The following USP54 variants were observed in gnomAD, a reference collection of about 807,000 sequenced individuals.
USP54 encodes ubiquitin specific peptidase 54.
A neutral mutation model predicts 170.5 loss-of-function variants in USP54; 87 were observed. The observed-to-expected ratio is 0.51, with a 90% CI of 0.43 to 0.61. The LOEUF (loss-of-function observed/expected upper bound fraction) is 0.61, where lower values mean the gene tolerates loss of function less well. USP54 is among the 20% of genes least tolerant of loss of function. The pLI is 0.00. For synonymous variants in USP54, 655 were observed against 742.8 expected, an observed-to-expected ratio of 0.88 and a Z score of 1.92; for missense variants, 1,786 against 2,047.8, an observed-to-expected ratio of 0.87 and a Z score of 2.47.
At chr10:73,612,089 GA>G in intron 1 of USP54, among the ~76,000 whole-genome samples, 1 of 152,258 alleles carries the variant, frequency 6.6e-6, no homozygotes, top group East Asian at 1.9e-4. Context: ...TCCCACCTGG[GA>G]AAGAGTTCGA....
intron 5 of USP54, among the ~76,000 whole-genome samples, 196 bp from the exon 6 acceptor site, chr10:73,543,327 C>A (rs1311907812): frequency 6.6e-6 from 1 of 152,106 alleles, no homozygotes; most frequent in East Asian, 1.9e-4. Context: ...CTGTACCCTT[C>A]ACCCAGCTTC....
At chr10:73,606,675 G>A (rs1362877786) in intron 1 of USP54, among the ~76,000 whole-genome samples, 1 of 150,346 alleles carries the variant, frequency 6.7e-6, no homozygotes, top group Non-Finnish European at 1.5e-5. Context: ...TCAGGAGATC[G>A]AGACCATCCT....
At chr10:73,540,480 G>A (rs1293966280) in intron 9 of USP54, among the ~76,000 whole-genome samples, 1 of 151,848 alleles carries the variant, frequency 6.6e-6, no homozygotes. Context: ...TGAGGCAGGA[G>A]AATGGCATGA....
chr10:73,513,183 ACCT>A (rs1487680164), intron 20 of USP54: 6 of 152,152 alleles, frequency 3.9e-5, no homozygotes, highest in Non-Finnish European at 8.8e-5. Context: ...GCGGTGGCTC[ACCT>A]TATAGTCACT....
At chr10:73,565,816 A>G (rs1283211006) in intron 4 of USP54, among the ~76,000 whole-genome samples, 1 of 152,234 alleles carries the variant, frequency 6.6e-6, no homozygotes, top group East Asian at 1.9e-4. Context: ...TGTTCTTAGT[A>G]ATACTCTTCA....
chr10:73,572,900 G>A (rs77018355), intron 3 of USP54, among the ~76,000 whole-genome samples: 7,437 of 152,216 alleles, frequency 0.049, 595 homozygotes, highest in African/African-American at 0.17. Flanking sequence ...CTATGGCCAA[G>A]ACACGGGTAA....
At chr10:73,522,821 G>A (rs986139321) in intron 17 of USP54, among the ~76,000 whole-genome samples, 1 of 152,134 alleles carries the variant, frequency 6.6e-6, no homozygotes, top group Non-Finnish European at 1.5e-5. Context: ...GAGAAAAGTG[G>A]TCAACAGAAA....
At chr10:73,562,187 G>A (rs979550774) in intron 4 of USP54, among the ~76,000 whole-genome samples, 2 of 151,956 alleles carry the variant, frequency 1.3e-5, no homozygotes, top group African/African-American at 4.8e-5. Context: ...TTACACTTTA[G>A]TGTGCTTCCT....
At chr10:73,623,436 C>T (rs185408410) in intron 1 of USP54, among the ~76,000 whole-genome samples, 157 of 151,836 alleles carry the variant, frequency 1.0e-3, no homozygotes, top group African/African-American at 3.7e-3. Context: ...GCAGGAGTAT[C>T]ACTTGAGCCC....
At position 73,617,707 on chromosome 10, in the gene USP54, C is replaced by T. The variant is rs113195752; in HGVS notation, c.-18+7860G>A. 4.2e-4 allele frequency among the ~76,000 whole-genome samples: 63 copies of T among 149,464 alleles called. 2 individuals carry two copies. Among genetic ancestry groups the T allele is most frequent in the African/African-American group, 1.6e-3 (63 of 39,192 alleles). On this transcript the variant is annotated intron_variant, in intron 1 of 22. Transcript: ENST00000339859. ...TAGACTTTCTCTTCCTGGTTCCTAGCAGAGTCAGGAAAAGCTTTGTTGAGA... is the reference window on the plus strand; with the variant it reads ...TAGACTTTCTCTTCCTGGTTCCTAGTAGAGTCAGGAAAAGCTTTGTTGAGA...
At chr10:73,593,376 CAAAA>C (rs772703814), upstream of USP54, among the ~76,000 whole-genome samples, 3 of 60,346 alleles carry the variant, frequency 5.0e-5, no homozygotes, top group Admixed American at 2.0e-4. Context: ...GACCCTGTCT[CAAAA>C]AAAAAAAAAA....
chr10:73,575,407 C>T (rs1447838786), intron 3 of USP54, 105 bp downstream of exon 3: 1 of 1,296,926 alleles, frequency 7.7e-7, no homozygotes, highest in Non-Finnish European at 1.0e-6. Flanking sequence ...AGGTTACTAA[C>T]CTCAAACAGA....
At chr10:73,554,482 G>GA (rs1191843447) in intron 4 of USP54, among the ~76,000 whole-genome samples, 2 of 152,186 alleles carry the variant, frequency 1.3e-5, no homozygotes, top group Non-Finnish European at 2.9e-5. Context: ...CTGACTACTG[G>GA]AAAAGAGACG....
At chr10:73,595,189 G>A (rs2078629780), upstream of USP54, among the ~76,000 whole-genome samples, 1 of 143,242 alleles carries the variant, frequency 7.0e-6, no homozygotes, top group South Asian at 2.3e-4. Flanking sequence ...GCCTCCCAAA[G>A]TGCTGGGATT....
rs1313319144 is a variant in USP54 at position 73,539,587 on chromosome 10, A to G, written c.832T>C (p.Phe278Leu). The G allele has an allele frequency of 6.3e-7, 1 of 1,595,178 alleles. No individual in the cohort carries two copies. The highest frequency in any genetic ancestry group is 8.6e-7 in the Non-Finnish European group (1 of 1,167,824). ...TTGGCCCGGTCATCCGTCACTCTGA[A>G]AAACAGCTGAGGGGAAAGAAGAGAA... ...GTCLKLGDLF[F>L]RVTDDRAKQS... Residue 278 changes from phenylalanine to leucine, a missense_variant, in exon 10 of 24, where the codon TTC (phenylalanine) becomes CTC (leucine). Coordinates refer to ENST00000687698, the MANE Select transcript of USP54 (RefSeq NM_001391956.1).
At position 73,517,161 on chromosome 10, in the gene USP54, G is replaced by T. The variant is rs1220073934; in HGVS notation, c.3265C>A (p.Pro1089Thr). The T allele has an allele frequency of 1.9e-6, 3 of 1,614,084 alleles. No individual in the cohort carries two copies. Among genetic ancestry groups the T allele is most frequent in the Non-Finnish European group, 2.5e-6 (3 of 1,180,052 alleles). Reference sequence around the variant, plus strand: ...AGGCATTGGTTAGTTTTCTGCACAGGATCAGGACAGTGAAGCACAAATGAA... The same window carrying T: ...AGGCATTGGTTAGTTTTCTGCACAGTATCAGGACAGTGAAGCACAAATGAA... ...ASSFVLHCPD[P>T]VQKTNQCLQG... Residue 1089 changes from proline (P) to threonine (T), a missense_variant, in exon 20 of 24, where the codon CCT (proline) becomes ACT (threonine). By Grantham distance (38) the Pro-to-Thr change is conservative. Coordinates refer to ENST00000687698, the MANE Select transcript of USP54 (RefSeq NM_001391956.1).
chr10:73,508,792 C>T (rs1054585851), intron 20 of USP54, among the ~76,000 whole-genome samples: 3 of 151,586 alleles, frequency 2.0e-5, no homozygotes, highest in Admixed American at 6.6e-5. Context: ...CTCAGCCTCC[C>T]GAGTAGCTGG....
At chr10:73,585,874 A>G (rs989786414) in intron 1 of USP54, among the ~76,000 whole-genome samples, 1 of 152,120 alleles carries the variant, frequency 6.6e-6, no homozygotes, top group Non-Finnish European at 1.5e-5. Flanking sequence ...TACAAAAATT[A>G]GCTGGGCGTG....
At chr10:73,575,430 T>C (rs2075985801) in intron 3 of USP54, 82 bp downstream of exon 3, 1 of 1,410,250 alleles carries the variant, frequency 7.1e-7, no homozygotes, top group Non-Finnish European at 9.3e-7. Flanking sequence ...CTATCAAACA[T>C]TTTATTTAAA....
Sources: allele counts gnomAD v4.1 joint callset (sites outside exome capture counted in the v4.1 genomes callset), GRCh38; gene constraint gnomAD v4.1.1; transcripts MANE v1.5; gene names NCBI Gene and HGNC (gene_info 2026-07-23, HGNC 2026-07-21).